TRIM71: variants seen among roughly 807,000 people sequenced by gnomAD.
The protein encoded by TRIM71 is tripartite motif containing 71.
Under a neutral mutation model 61.2 loss-of-function variants are expected in TRIM71, and 9 were observed. The observed-to-expected ratio is 0.15, with a 90% CI of 0.09 to 0.26. The LOEUF (loss-of-function observed/expected upper bound fraction) is 0.26, where lower values mean the gene tolerates loss of function less well. TRIM71 is among the 10% of genes least tolerant of loss of function. The pLI, the probability that TRIM71 is intolerant of heterozygous loss-of-function variation, is 1.00. For synonymous variants in TRIM71, 645 were observed against 553.2 expected (o/e 1.17, Z -2.33); for missense variants, 998 against 1,238.7 (o/e 0.81, Z 2.92).
At chr3:32,873,181 GA>G (rs1348792034) in intron 1 of TRIM71, among the ~76,000 whole-genome samples, 6 of 149,188 alleles carry the variant, frequency 4.0e-5, no homozygotes, top group African/African-American at 1.2e-4. Flanking sequence ...CAACTCCTTG[GA>G]ATAACTTGGC....
chr3:32,847,862 CA>C (rs1696493234), intron 1 of TRIM71, among the ~76,000 whole-genome samples: 1 of 152,070 alleles, frequency 6.6e-6, no homozygotes, highest in Non-Finnish European at 1.5e-5. Context: ...TGGGCTCAAC[CA>C]ACTGTGGATT....
chr3:32,851,680 T>G (rs1449718655), intron 1 of TRIM71, among the ~76,000 whole-genome samples: 1 of 152,094 alleles, frequency 6.6e-6, no homozygotes, highest in Non-Finnish European at 1.5e-5. Flanking sequence ...GGCTTCACCA[T>G]GTTGGCCAGG....
At chr3:32,871,602 G>A (rs372864972) in intron 1 of TRIM71, among the ~76,000 whole-genome samples, 4 of 152,296 alleles carry the variant, frequency 2.6e-5, no homozygotes, top group East Asian at 3.9e-4. Context: ...AAAAGGGATT[G>A]GCCAGGAATT....
At chr3:32,840,482 A>G (rs1012050774) in intron 1 of TRIM71, among the ~76,000 whole-genome samples, 2 of 152,166 alleles carry the variant, frequency 1.3e-5, no homozygotes. Flanking sequence ...TCTCTCCTGA[A>G]CTTTACTCCA....
chr3:32,882,148 CAG>C (rs1465578688), intron 2 of TRIM71, among the ~76,000 whole-genome samples: 1 of 151,832 alleles, frequency 6.6e-6, no homozygotes, highest in African/African-American at 2.4e-5. Flanking sequence ...TTTTTTGAGA[CAG>C]AGTTTTGCTC....
At chr3:32,876,724 TG>T (rs1206477330) in intron 2 of TRIM71, among the ~76,000 whole-genome samples, 1 of 152,216 alleles carries the variant, frequency 6.6e-6, no homozygotes, top group African/African-American at 2.4e-5. Context: ...TGGTGCTCTC[TG>T]TGCTTAGTGG....
chr3:32,861,185 C>CT (rs1024080140), intron 1 of TRIM71, among the ~76,000 whole-genome samples: 128 of 145,788 alleles, frequency 8.8e-4, no homozygotes, highest in South Asian at 2.0e-3. Flanking sequence ...AGTAAATAAT[C>CT]TTTTTTTTTT....
intron 1 of TRIM71, among the ~76,000 whole-genome samples, chr3:32,862,790 ATGCCGGGGCGGCAGC>A (rs1696685522): frequency 6.6e-6 from 1 of 152,240 alleles, no homozygotes; most frequent in African/African-American, 2.4e-5. Context: ...GGTCAGATGC[ATGCCGGGGCGGCAGC>A]TGGGACACTA....
intron 1 of TRIM71, among the ~76,000 whole-genome samples, chr3:32,841,200 G>A (rs1287716866): frequency 2.0e-5 from 3 of 152,192 alleles, no homozygotes; most frequent in South Asian, 2.1e-4. Context: ...AGCTGAGATC[G>A]CGCCACTGCA....
At chr3:32,833,183 TTAAAAAAAAAAAAAAA>T (rs1189491342) in intron 1 of TRIM71, among the ~76,000 whole-genome samples, 1 of 39,100 alleles carries the variant, frequency 2.6e-5, no homozygotes, top group East Asian at 1.8e-3. Flanking sequence ...AACTCTGTCT[TTAAAAAAAAAAAAAAA>T]AAAAAAAAAA....
intron 1 of TRIM71, among the ~76,000 whole-genome samples, chr3:32,839,234 A>T (rs1024979635): frequency 6.6e-6 from 1 of 151,772 alleles, no homozygotes; most frequent in African/African-American, 2.4e-5. Flanking sequence ...TGAAAGTGAC[A>T]TGAGTTTTTT....
chr3:32,873,860 C>T lies in TRIM71; in HGVS notation c.895C>T (p.Arg299Cys), dbSNP rs1261661672. 1.2e-6 allele frequency: 2 copies of T among 1,613,180 alleles called. No homozygotes were observed. The highest frequency in any genetic ancestry group is 1.7e-5 in the Admixed American group (1 of 59,972). The change falls in exon 2 of 4, where the codon CGT becomes TGT. Residue 299 changes from arginine (R) to cysteine (C), a missense_variant. Physicochemically the swap from Arg to Cys is radical, Grantham distance 180. This residue lies in a region of TRIM71 where 291 missense variants were observed against 431.2 expected (regional missense o/e 0.67). Transcript: ENST00000383763. The part of the protein sequence containing the change: ...YCDTCSVPIC[R>C]ECTMGRHGGH... ...TGACACTTGCTCTGTACCCATCTGT[C>T]GTGAGTGCACAATGGGCCGGCATGG... is the stretch of plus-strand genomic sequence containing the variant.
intron 2 of TRIM71, among the ~76,000 whole-genome samples, chr3:32,874,564 C>T (rs1400540558): frequency 6.6e-6 from 1 of 152,096 alleles, no homozygotes; most frequent in African/African-American, 2.4e-5. Context: ...ACTCTGTTGC[C>T]CAGGCTGGAG....
intron 1 of TRIM71, among the ~76,000 whole-genome samples, chr3:32,868,272 G>A (rs941256076): frequency 4.6e-5 from 7 of 152,124 alleles, no homozygotes; most frequent in Admixed American, 1.3e-4. Flanking sequence ...GGTGAAGGTC[G>A]ACCTGACTAA....
chr3:32,871,914 T>TGGGTGGATCAC (rs1696799563), intron 1 of TRIM71, among the ~76,000 whole-genome samples: 1 of 152,164 alleles, frequency 6.6e-6, no homozygotes, highest in Admixed American at 6.5e-5. Flanking sequence ...GAGGCCAAGG[T>TGGGTGGATCAC]GGGTGGATCA....
At chr3:32,882,495 A>G (rs1696920191) in intron 2 of TRIM71, among the ~76,000 whole-genome samples, 1 of 152,076 alleles carries the variant, frequency 6.6e-6, no homozygotes, top group South Asian at 2.1e-4. Context: ...TGTATGGGAA[A>G]AGGACTTCTT....
intron 1 of TRIM71, among the ~76,000 whole-genome samples, chr3:32,821,816 G>A (rs1482347531): frequency 1.3e-5 from 2 of 151,306 alleles, no homozygotes; most frequent in Non-Finnish European, 3.0e-5. Context: ...GTCGCCGCGG[G>A]CCTGCGCCGC....
At chr3:32,847,810 G>T (rs1377150759) in intron 1 of TRIM71, among the ~76,000 whole-genome samples, 1 of 152,076 alleles carries the variant, frequency 6.6e-6, no homozygotes, top group Non-Finnish European at 1.5e-5. Flanking sequence ...TATGGGGCTG[G>T]TTTTTTGTTT....
chr3:32,884,613 C>T (rs186707513), intron 2 of TRIM71, among the ~76,000 whole-genome samples: 233 of 151,516 alleles, frequency 1.5e-3, no homozygotes, highest in South Asian at 5.5e-3. Flanking sequence ...GATTAGTGAT[C>T]GCCATGGGGT....
Sources: gnomAD v4.1 joint callset for allele counts (sites outside exome capture counted in the v4.1 genomes callset) on GRCh38, gnomAD v4.1.1 for gene constraint, gnomAD v4.1.1 regional missense constraint, MANE v1.5 for transcripts, NCBI Gene and HGNC (gene_info 2026-07-23, HGNC 2026-07-21) for gene names.